FHDC1: variants seen among roughly 807,000 people sequenced by gnomAD.
FHDC1 encodes the protein FH2 domain-containing protein 1.
Under a neutral mutation model 52.6 loss-of-function variants are expected in FHDC1, and 25 were observed. That is an observed-to-expected ratio of 0.48 (90% CI 0.35 to 0.66). The LOEUF (loss-of-function observed/expected upper bound fraction) is 0.66, where lower values mean the gene tolerates loss of function less well. Among genes scored for constraint, FHDC1 ranks in the 30% least tolerant of loss-of-function variants. FHDC1 has a pLI of 0.01. For synonymous variants in FHDC1, 616 were observed against 581.5 expected, an observed-to-expected ratio of 1.06 and a Z score of -0.85; for missense variants, 1,459 against 1,452.8, an observed-to-expected ratio of 1.00 and a Z score of -0.07.
the FHDC1 span, among the ~76,000 whole-genome samples, chr4:152,913,350 G>A: frequency 6.6e-6 from 1 of 152,158 alleles, no homozygotes; most frequent in Non-Finnish European, 1.5e-5. Context: ...CTTGAAAAGT[G>A]TTACATAAAG....
intron 9 of FHDC1, 121 bp from the exon 10 acceptor site, chr4:152,967,859 T>A: frequency 1.5e-6 from 1 of 681,844 alleles, no homozygotes; most frequent in Non-Finnish European, 2.6e-6. Flanking sequence ...TAGATAAATA[T>A]CATCACAGTA....
chr4:152,920,356 C>G, the FHDC1 span, among the ~76,000 whole-genome samples: 2 of 152,190 alleles, frequency 1.3e-5, no homozygotes, highest in Admixed American at 1.3e-4. Flanking sequence ...CCTTGGTTAT[C>G]TCAAGAACTT....
rs1282748852 is a variant in FHDC1 at position 152,939,927 on chromosome 4, T to C, written c.-130-3001T>C. Among the ~76,000 whole-genome samples, 6 of 152,230 alleles carry C rather than the reference T, an allele frequency of 3.9e-5. No individual in the cohort carries two copies. The East Asian group carries it at 1.2e-3, about 29-fold the overall frequency. On this transcript the variant is annotated intron_variant, in intron 1 of 11. Transcript: ENST00000511601. ...CCAGACAGAGTGGGGGCTAATCCCA[T>C]TGTCCCTACTGGCAGTTGTCAGCTG...
chr4:152,944,926 G>T (rs369681156), intron 2 of FHDC1, among the ~76,000 whole-genome samples: 6 of 152,188 alleles, frequency 3.9e-5, no homozygotes, highest in African/African-American at 1.4e-4. Context: ...GTTCTTTATT[G>T]TACAGTAGGT....
chr4:152,915,187 G>A, the FHDC1 span, among the ~76,000 whole-genome samples: 1 of 152,006 alleles, frequency 6.6e-6, no homozygotes, highest in Non-Finnish European at 1.5e-5. Flanking sequence ...GAAAAGCACG[G>A]GGTAGGCTGT....
intron 2 of FHDC1, among the ~76,000 whole-genome samples, chr4:152,946,435 T>C (rs1044765753): frequency 6.6e-6 from 1 of 152,230 alleles, no homozygotes; most frequent in Non-Finnish European, 1.5e-5. Context: ...CTAGGAGTAT[T>C]ATATATACTT....
chr4:152,940,954 C>T (rs1739558944), intron 1 of FHDC1, among the ~76,000 whole-genome samples: 1 of 152,146 alleles, frequency 6.6e-6, no homozygotes, highest in Non-Finnish European at 1.5e-5. Context: ...TTTCTAGAAG[C>T]CAGTTACATC....
intron 4 of FHDC1, among the ~76,000 whole-genome samples, chr4:152,957,731 A>G (rs1740144042): frequency 6.6e-6 from 1 of 152,198 alleles, no homozygotes; most frequent in Admixed American, 6.5e-5. Context: ...CTCAGCTGAC[A>G]AGCCGACCAA....
rs1739619965 is a variant in FHDC1, at chr4:152,943,117, A to G, written c.60A>G (p.Thr20=). 1.2e-6 allele frequency: 2 copies of G among 1,614,016 alleles called. No individual in the cohort carries two copies. The highest frequency in any genetic ancestry group is 1.7e-6 in the Non-Finnish European group (2 of 1,180,026). ...VSDKENGNIA[T]APGFMIGQTP... is the part of the protein sequence containing the mutation. The stretch of plus-strand genomic sequence containing the variant: ...ATAAAGAAAATGGGAATATTGCCAC[A>G]GCACCTGGATTCATGATTGGGCAGA... Residue 20 remains threonine, a synonymous_variant, in exon 2 of 12, where the codon ACA becomes ACG. Coordinates refer to ENST00000511601, the MANE Select transcript of FHDC1 (RefSeq NM_001371116.1).
At chr4:152,949,097 T>TAAC (rs1228254436) in intron 2 of FHDC1, among the ~76,000 whole-genome samples, 163 of 75,262 alleles carry the variant, frequency 2.2e-3, no homozygotes, top group Non-Finnish European at 3.3e-3. Flanking sequence ...TCAGTAATAA[T>TAAC]AATAATAATA....
Position 152,971,048 on chromosome 4 carries a change from C to T in FHDC1, c.1219-1329C>T, listed in dbSNP as rs1740623001. ...TAACATACTTCATTCATTCCTTCTT[C>T]ATATAACCATTATTTCCCAGTAAAC... On this transcript the variant is annotated intron_variant, in intron 10 of 11. Transcript: ENST00000511601. Among the ~76,000 whole-genome samples the T allele has an allele frequency of 2.6e-5, 4 of 152,300 alleles. No individual in the cohort carries two copies. The South Asian group carries it at 6.2e-4, about 24-fold the overall frequency.
chr4:152,937,046 G>A (rs1739404684), intron 1 of FHDC1, among the ~76,000 whole-genome samples: 1 of 152,250 alleles, frequency 6.6e-6, no homozygotes, highest in Non-Finnish European at 1.5e-5. Flanking sequence ...AGTGTGGGGA[G>A]GGGGAGGAAG....
At chr4:152,931,784 A>G (rs1739256131), upstream of FHDC1, among the ~76,000 whole-genome samples, 1 of 152,022 alleles carries the variant, frequency 6.6e-6, no homozygotes, top group Non-Finnish European at 1.5e-5. Flanking sequence ...AAAAAATACA[A>G]AAGGTAGCTG....
the FHDC1 span, among the ~76,000 whole-genome samples, chr4:152,915,964 T>C: frequency 1.3e-5 from 2 of 152,182 alleles, no homozygotes; most frequent in Non-Finnish European, 2.9e-5. Flanking sequence ...GTATTTCTGC[T>C]GGAATTGTTC....
chr4:152,972,407 T>C lies in FHDC1; in HGVS notation c.1249T>C (p.Cys417Arg). ...CATAGAAAAGCTGAGGGAACTGGAATGCTGGAAACAAGAGCTCCAGGATGA... is the reference window on the plus strand; with the variant it reads ...CATAGAAAAGCTGAGGGAACTGGAACGCTGGAAACAAGAGCTCCAGGATGA... ...FAIEKLRELE[C>R]WKQELQDEAY... The change falls in exon 11 of 12, where the codon TGC becomes CGC. Residue 417 changes from cysteine (C) to arginine (R), a missense_variant. Cys to Arg is a radical substitution (Grantham distance 180). Coordinates refer to ENST00000511601, the MANE Select transcript of FHDC1 (RefSeq NM_001371116.1). 1 of 1,604,588 alleles carries C rather than the reference T, an allele frequency of 6.2e-7. No homozygotes were observed. Among genetic ancestry groups the C allele is most frequent in the Non-Finnish European group, 8.5e-7 (1 of 1,177,826 alleles).
chr4:152,968,388 C>T (rs56382332), intron 10 of FHDC1, among the ~76,000 whole-genome samples: 6,145 of 151,574 alleles, frequency 0.041, 149 homozygotes, highest in Middle Eastern at 0.058. Context: ...TATAATGGTG[C>T]GATCTCGGCA....
At chr4:152,938,472 A>G (rs569669206) in intron 1 of FHDC1, among the ~76,000 whole-genome samples, 200 of 152,236 alleles carry the variant, frequency 1.3e-3, no homozygotes, top group African/African-American at 4.7e-3. Context: ...TAATCAAGAA[A>G]GCTTTTGAAA....
rs144249100 is a variant in FHDC1 at position 152,940,071 on chromosome 4, G to A, written c.-130-2857G>A. Among the ~76,000 whole-genome samples, 366 of 152,294 alleles carry A rather than the reference G, an allele frequency of 2.4e-3. 2 individuals carry two copies. The highest frequency in any genetic ancestry group is 8.2e-3 in the African/African-American group (342 of 41,558). On this transcript the variant is annotated intron_variant, in intron 1 of 11. Coordinates refer to ENST00000511601, the MANE Select transcript of FHDC1 (RefSeq NM_001371116.1). ...CGGGCAGTACTGCAGCAAATCCATC[G>A]TTCTTTTGTGTATTCTCTATTTTAA...
intron 2 of FHDC1, among the ~76,000 whole-genome samples, chr4:152,952,567 A>G (rs1193193779): frequency 6.6e-6 from 1 of 152,264 alleles, no homozygotes; most frequent in African/African-American, 2.4e-5. Context: ...AAAATACAGT[A>G]TAACAACCCC....
Sources: allele counts gnomAD v4.1 joint callset (sites outside exome capture counted in the v4.1 genomes callset), GRCh38; gene constraint gnomAD v4.1.1; transcripts MANE v1.5; gene names NCBI Gene and HGNC (gene_info 2026-07-23, HGNC 2026-07-21).